The following KIFAP3 variants were observed in gnomAD, a reference collection of about 807,000 sequenced individuals.
The protein encoded by KIFAP3 is kinesin associated protein 3.
KIFAP3 carries 68 observed loss-of-function variants against 106.5 expected under a neutral mutation model. The ratio of observed to expected loss-of-function variants is 0.64; its 90% confidence interval spans 0.53 to 0.78. The LOEUF (loss-of-function observed/expected upper bound fraction) is 0.78, where lower values mean the gene tolerates loss of function less well. KIFAP3 is among the 30% of genes least tolerant of loss of function. The pLI, the probability that KIFAP3 is intolerant of heterozygous loss-of-function variation, is 0.00. For missense variants in KIFAP3, 780 were observed against 941.8 expected (o/e 0.83, Z 2.25); for synonymous variants, 320 against 311.5 (o/e 1.03, Z -0.29).
In KIFAP3 at chr1:169,976,106, C is replaced by G. The variant is rs1251981087; in HGVS notation, c.1897+1979G>C. Among the ~76,000 whole-genome samples the G allele has an allele frequency of 4.6e-5, 7 of 152,148 alleles. No individual in the cohort carries two copies. In the East Asian group the frequency reaches 1.2e-3, roughly 25 times the overall value. On this transcript the variant is annotated intron_variant, in intron 16 of 19. Transcript: ENST00000361580. ...TTAAACAGACATCCCAAAACAGAGG[C>G]AGTAACACTTATTCACTGTGTACAG...
chr1:169,990,357 G>A (rs1426081550), intron 11 of KIFAP3, among the ~76,000 whole-genome samples: 3 of 149,616 alleles, frequency 2.0e-5, no homozygotes, highest in Admixed American at 1.3e-4. Context: ...GTCATGGTAG[G>A]AAAAGTAAAT....
At position 170,046,953 on chromosome 1, in the gene KIFAP3, A is replaced by C. The variant is rs933615102; in HGVS notation, c.165-87T>G. The C allele has an allele frequency of 5.4e-6, 4 of 735,584 alleles. No homozygotes were observed. In the African/African-American group the frequency reaches 7.3e-5, roughly 13 times the overall value. 45.6% of individuals were successfully genotyped at this position (735,584 alleles called of 1,614,324 possible). A position where few individuals can be genotyped will look rare whatever the true frequency, so the allele number is the denominator to read the frequency against. ...ACTTTAAAATAATTTATAGATTATA[A>C]ATTATTATAGAGAACCTGGCCATAG... On this transcript the variant is annotated intron_variant, in intron 2 of 19. Transcript: ENST00000361580.
chr1:169,961,920 G>T (rs1399951503), intron 17 of KIFAP3, among the ~76,000 whole-genome samples: 1 of 152,070 alleles, frequency 6.6e-6, no homozygotes, highest in South Asian at 2.1e-4. Context: ...ATGTTTTGGG[G>T]GAGTTAAAAG....
chr1:170,024,171 T>G, intron 9 of KIFAP3: 1 of 272,686 alleles, frequency 3.7e-6, no homozygotes, highest in East Asian at 6.7e-5. Context: ...CTATATATTA[T>G]GTTTAATATG....
intron 3 of KIFAP3, among the ~76,000 whole-genome samples, chr1:170,040,104 G>T (rs908779551): frequency 1.3e-5 from 2 of 152,052 alleles, no homozygotes; most frequent in Admixed American, 1.3e-4. Flanking sequence ...CACCCATTCT[G>T]TATAAGCTCA....
chr1:169,925,143 A>T (rs538731144), intron 19 of KIFAP3, among the ~76,000 whole-genome samples: 1 of 152,316 alleles, frequency 6.6e-6, no homozygotes, highest in African/African-American at 2.4e-5. Flanking sequence ...AATGTGGTGT[A>T]TCCCTCTAGA....
intron 9 of KIFAP3, among the ~76,000 whole-genome samples, chr1:170,020,983 T>C (rs923101571): frequency 1.3e-5 from 2 of 152,198 alleles, no homozygotes; most frequent in African/African-American, 4.8e-5. Flanking sequence ...CTAAATTTTT[T>C]TTATATGCTG....
At chr1:169,964,382 C>A (rs961544174) in intron 17 of KIFAP3, among the ~76,000 whole-genome samples, 2 of 152,082 alleles carry the variant, frequency 1.3e-5, no homozygotes, top group African/African-American at 4.8e-5. Context: ...CTCGGGCCAG[C>A]AATGTGGAAG....
chr1:170,003,396 C>G lies in KIFAP3; in HGVS notation c.1184-11141G>C, dbSNP rs533187739. Among the ~76,000 whole-genome samples, 4 of 152,274 alleles carry G rather than the reference C, an allele frequency of 2.6e-5. No homozygotes were observed. The South Asian group carries it at 8.3e-4, about 32-fold the overall frequency. ...GCTATTTCAATGTTTAAAACAAACCCTCTATAACAAATCCTCCCGGCCGTG... is the reference window on the plus strand; with the variant it reads ...GCTATTTCAATGTTTAAAACAAACCGTCTATAACAAATCCTCCCGGCCGTG... On this transcript the variant is annotated intron_variant, in intron 10 of 19. Coordinates refer to ENST00000361580, the MANE Select transcript of KIFAP3 (RefSeq NM_014970.4).
At chr1:169,939,059 T>G (rs672843) in intron 19 of KIFAP3, among the ~76,000 whole-genome samples, 142,371 of 152,242 alleles carry the variant, frequency 0.94, 66,659 homozygotes, top group East Asian at 0.99. Flanking sequence ...TGGGAAGCCA[T>G]TGAAGGCACG....
At chr1:170,051,837 C>T (rs1670590740) in intron 2 of KIFAP3, among the ~76,000 whole-genome samples, 1 of 152,086 alleles carries the variant, frequency 6.6e-6, no homozygotes, top group Non-Finnish European at 1.5e-5. Context: ...TGGGACACAG[C>T]TTAAGCAGTG....
At chr1:170,054,435 T>C (rs1317599571) in intron 2 of KIFAP3, among the ~76,000 whole-genome samples, 1 of 152,210 alleles carries the variant, frequency 6.6e-6, no homozygotes, top group Non-Finnish European at 1.5e-5. Context: ...GAAATACCAT[T>C]TGATCCAGCA....
chr1:170,076,396 A>G (rs1235394119), upstream of KIFAP3, among the ~76,000 whole-genome samples: 2 of 152,236 alleles, frequency 1.3e-5, no homozygotes, highest in Non-Finnish European at 2.9e-5. Context: ...GTAAGGACAT[A>G]GTCAGAGACT....
intron 1 of KIFAP3, among the ~76,000 whole-genome samples, chr1:170,072,057 T>C (rs888181113): frequency 1.3e-5 from 2 of 152,250 alleles, no homozygotes; most frequent in Non-Finnish European, 2.9e-5. Flanking sequence ...TTACCAAATA[T>C]GTTTTATCAC....
At chr1:170,049,135 T>C (rs10127867) in intron 2 of KIFAP3, among the ~76,000 whole-genome samples, 43,092 of 151,914 alleles carry the variant, frequency 0.28, 6,607 homozygotes, top group East Asian at 0.49. Flanking sequence ...TCGAGCTTGG[T>C]TGGGGGAGGT....
chr1:169,975,051 T>C (rs1666155869), intron 16 of KIFAP3, among the ~76,000 whole-genome samples: 2 of 152,140 alleles, frequency 1.3e-5, no homozygotes, highest in Admixed American at 1.3e-4. Context: ...AAATGCTATG[T>C]AAATAGTTGT....
At chr1:170,017,409 T>TA (rs75054526) in intron 9 of KIFAP3, among the ~76,000 whole-genome samples, 72 of 141,196 alleles carry the variant, frequency 5.1e-4, no homozygotes, top group South Asian at 1.1e-3. Flanking sequence ...AGGAATAAAG[T>TA]AAAAAAAAAA....
chr1:170,051,626 G>A (rs1477012675), intron 2 of KIFAP3, among the ~76,000 whole-genome samples: 1 of 152,132 alleles, frequency 6.6e-6, no homozygotes, highest in East Asian at 1.9e-4. Context: ...CAGAAGAATG[G>A]AAATCATAAC....
chr1:170,060,955 C>T lies in KIFAP3; in HGVS notation c.33-5519G>A, dbSNP rs567942499. Among the ~76,000 whole-genome samples the T allele has an allele frequency of 3.9e-5, 6 of 152,254 alleles. No homozygotes were observed. The East Asian group carries it at 5.8e-4, about 15-fold the overall frequency. On this transcript the variant is annotated intron_variant, in intron 1 of 19. Transcript: ENST00000361580. ...AATGGTGCTGGGAAAACTGGCTAGC[C>T]ATATGTAGAAAGCTGAAAACTGGAT...
Sources: allele counts gnomAD v4.1 joint callset (sites outside exome capture counted in the v4.1 genomes callset), GRCh38; gene constraint gnomAD v4.1.1; transcripts MANE v1.5; gene names NCBI Gene and HGNC (gene_info 2026-07-23, HGNC 2026-07-21).